The following PCDHGB4 variants were observed in gnomAD, a reference collection of about 807,000 sequenced individuals.
PCDHGB4 encodes the protein protocadherin gamma subfamily B, 4, also known as protocadherin gamma-B4.
A neutral mutation model predicts 60.5 loss-of-function variants in PCDHGB4; 38 were observed. That is an observed-to-expected ratio of 0.63 (90% CI 0.48 to 0.82). The LOEUF (loss-of-function observed/expected upper bound fraction) is 0.82, where lower values mean the gene tolerates loss of function less well. PCDHGB4 is among the 40% of genes least tolerant of loss of function. The probability of loss-of-function intolerance (pLI) is 0.00; values close to 1 mark genes in which losing one functional copy is unlikely to be tolerated. For missense variants in PCDHGB4, 1,109 were observed against 1,209.6 expected (o/e 0.92, Z 1.23); for synonymous variants, 456 against 509.7 (o/e 0.89, Z 1.42).
intron 1 of PCDHGB4, chr5:141,422,633 G>C: frequency 6.2e-7 from 1 of 1,613,120 alleles, no homozygotes; most frequent in Non-Finnish European, 8.5e-7. Context: ...AACCCCAGGG[G>C]TGCCTCCATC....
At chr5:141,488,331 T>C (rs535498873) in intron 1 of PCDHGB4, among the ~76,000 whole-genome samples, 22 of 152,218 alleles carry the variant, frequency 1.4e-4, no homozygotes, top group Non-Finnish European at 3.1e-4. Context: ...TACAGTTGGC[T>C]GATTCATAGA....
At chr5:141,394,306 G>T in intron 1 of PCDHGB4, 1 of 1,613,958 alleles carries the variant, frequency 6.2e-7, no homozygotes, top group Non-Finnish European at 8.5e-7. Context: ...ACGCTGCAGG[G>T]GGCGCCCCTG....
At position 141,489,644 on chromosome 5, in the gene PCDHGB4, C is replaced by T. The variant is rs1244782345; in HGVS notation, c.2398-5163C>T. 11 of 1,614,070 alleles carry T rather than the reference C, an allele frequency of 6.8e-6. No individual in the cohort carries two copies. The Admixed American group carries it at 1.8e-4, about 27-fold the overall frequency. ...AATGACAACTCTCCTAGCTTTGCCA[C>T]CCCTGAGCGAGAGATGCGCATCTCA... is the stretch of plus-strand genomic sequence containing the variant. On this transcript the variant is annotated intron_variant, in intron 1 of 3. Coordinates refer to ENST00000519479, the MANE Select transcript of PCDHGB4 (RefSeq NM_003736.4). The surrounding 1 kb of genome is among the most constrained non-coding windows in gnomAD (Gnocchi z 4.5).
At chr5:141,471,901 G>C (rs1224804131) in intron 1 of PCDHGB4, among the ~76,000 whole-genome samples, 1 of 152,146 alleles carries the variant, frequency 6.6e-6, no homozygotes, top group Non-Finnish European at 1.5e-5. Context: ...ATTGACTACA[G>C]ACAAGCATGA....
chr5:141,507,631 C>T (rs1435446169), intron 3 of PCDHGB4, among the ~76,000 whole-genome samples: 4 of 152,236 alleles, frequency 2.6e-5, no homozygotes, highest in East Asian at 3.8e-4. Context: ...TGTGGCCTTG[C>T]GCCCTGAGGC....
intron 2 of PCDHGB4, among the ~76,000 whole-genome samples, chr5:141,503,950 C>T (rs1216385793): frequency 3.3e-5 from 5 of 152,180 alleles, no homozygotes; most frequent in Non-Finnish European, 7.3e-5. Flanking sequence ...CAAGGCCTAC[C>T]CTACAGCCTT....
rs1023140435 is a variant in PCDHGB4, at chr5:141,415,749, T to G, written c.2397+25468T>G. The G allele has an allele frequency of 4.7e-4, 569 of 1,213,970 alleles. 1 individual carries two copies. Among genetic ancestry groups the G allele is most frequent in the Admixed American group, 3.5e-3 (90 of 25,886 alleles). The allele number at this position is 1,213,970 out of a possible 1,614,324, so 75.2% of individuals were successfully genotyped here. The stretch of plus-strand genomic sequence containing the variant: ...TTTGATGTTTATTAAGGTTTTTTTT[T>G]TTTTTTTTTTTTTTTTTTTTTTTAC... On this transcript the variant is annotated intron_variant, in intron 1 of 3. Transcript: ENST00000519479.
At position 141,511,036 on chromosome 5, in the gene PCDHGB4, G is replaced by A. The variant is rs116366286; in HGVS notation, c.2635G>A (p.Val879Met). ...CGGACCCCAGTTCACCCTGCAGCAC[G>A]TGCCCGACTACCGCCAGAATGTCTA... is the stretch of plus-strand genomic sequence containing the variant. ...RYGPQFTLQH[V>M]PDYRQNVYIP... is the part of the protein sequence containing the mutation. Residue 879 changes from valine to methionine, a missense_variant, in exon 4 of 4, where the codon GTG becomes ATG. Physicochemically the swap from Val to Met is conservative, Grantham distance 21. Transcript: ENST00000519479. 5.5e-5 allele frequency: 89 copies of A among 1,614,198 alleles called. No individual in the cohort carries two copies. The highest frequency in any genetic ancestry group is 1.6e-4 in the Middle Eastern group (1 of 6,062).
chr5:141,397,359 A>T (rs372780097), intron 1 of PCDHGB4, among the ~76,000 whole-genome samples: 10 of 152,226 alleles, frequency 6.6e-5, no homozygotes, highest in African/African-American at 2.4e-4. Flanking sequence ...AGTCAGGAAG[A>T]GGAGATGTTT....
At position 141,431,569 on chromosome 5, in the gene PCDHGB4, CGAA is replaced by C. The variant is rs780392922; in HGVS notation, c.2397+41290_2397+41292del. The C allele has an allele frequency of 1.9e-6, 3 of 1,614,000 alleles. No homozygotes were observed. The highest frequency in any genetic ancestry group is 2.7e-5 in the African/African-American group (2 of 74,932). ...TTGTAGTCAACGCTACCGACCCTGA[CGAA>C]GGAGTCAATGCGGAAGTGAGGTATT... On this transcript the variant is annotated intron_variant, in intron 1 of 3. Transcript: ENST00000519479. This position sits in a 1 kb window ranked among gnomAD's most constrained non-coding sequence, Gnocchi z 4.8.
At chr5:141,416,501 T>C (rs1164504285) in intron 1 of PCDHGB4, 6 of 152,148 alleles carry the variant, frequency 3.9e-5, no homozygotes, top group Non-Finnish European at 7.4e-5. Context: ...AAGAGATATA[T>C]GACAAAGCTA....
At chr5:141,419,674 C>A (rs372932653) in intron 1 of PCDHGB4, 1 of 1,612,938 alleles carries the variant, frequency 6.2e-7, no homozygotes, top group Non-Finnish European at 8.5e-7. Flanking sequence ...CCTGGCTGTC[C>A]TACCACGTGG....
rs763840734 is a variant in PCDHGB4, at chr5:141,428,113, T to C, written c.2397+37832T>C. The stretch of plus-strand genomic sequence containing the variant: ...CTGTCCTACCACGTGCTGCAGGCCA[T>C]CGAGCCCGGGCTTTTCAGCCTGGGG... On this transcript the variant is annotated intron_variant, in intron 1 of 3. Transcript: ENST00000519479. 1.0e-5 allele frequency: 16 copies of C among 1,607,374 alleles called. No homozygotes were observed. In the African/African-American group the frequency reaches 1.9e-4, roughly 19 times the overall value.
At chr5:141,458,594 G>T (rs1226490392) in intron 1 of PCDHGB4, among the ~76,000 whole-genome samples, 1 of 151,612 alleles carries the variant, frequency 6.6e-6, no homozygotes, top group Non-Finnish European at 1.5e-5. Context: ...TTTTGGAGAC[G>T]AGTCTCACTC....
intron 2 of PCDHGB4, among the ~76,000 whole-genome samples, chr5:141,495,550 G>A (rs999176899): frequency 6.6e-6 from 1 of 151,958 alleles, no homozygotes; most frequent in Non-Finnish European, 1.5e-5. Context: ...TCTCTATCTC[G>A]CTTTGCAATC....
At chr5:141,438,985 A>G (rs1461265086) in intron 1 of PCDHGB4, among the ~76,000 whole-genome samples, 1 of 151,940 alleles carries the variant, frequency 6.6e-6, no homozygotes, top group Non-Finnish European at 1.5e-5. Context: ...ACTTATCTTA[A>G]AAGGCTAAGG....
intron 1 of PCDHGB4, chr5:141,393,244 A>C: frequency 6.2e-7 from 1 of 1,613,840 alleles, no homozygotes; most frequent in Non-Finnish European, 8.5e-7. Flanking sequence ...AAAATTAACG[A>C]AATCGCGGTT....
intron 1 of PCDHGB4, chr5:141,427,539 A>G: frequency 1.6e-6 from 1 of 632,868 alleles, no homozygotes; most frequent in Non-Finnish European, 2.9e-6. Context: ...GTACAACGTC[A>G]CCATCACTGC....
chr5:141,419,122 C>T (rs1418298635), intron 1 of PCDHGB4: 2 of 1,613,862 alleles, frequency 1.2e-6, no homozygotes, highest in African/African-American at 1.3e-5. Flanking sequence ...ACAACGTCAC[C>T]ATCGCAGCCA....
Sources: gnomAD v4.1 joint callset for allele counts (sites outside exome capture counted in the v4.1 genomes callset) on GRCh38, gnomAD v4.1.1 for gene constraint, Gnocchi (gnomAD v3.1) non-coding constraint, MANE v1.5 for transcripts, NCBI Gene and HGNC (gene_info 2026-07-23, HGNC 2026-07-21) for gene names.